SPATS2L: variants seen among roughly 807,000 people sequenced by gnomAD.
SPATS2L encodes the protein spermatogenesis associated serine rich 2 like.
Under a neutral mutation model 59.6 loss-of-function variants are expected in SPATS2L, and 30 were observed. The ratio of observed to expected loss-of-function variants is 0.50; its 90% CI spans 0.38 to 0.68. The LOEUF (loss-of-function observed/expected upper bound fraction) is 0.68. Among genes scored for constraint, SPATS2L ranks in the 30% least tolerant of loss-of-function variants. SPATS2L has a pLI of 0.00. For synonymous variants in SPATS2L, 252 were observed against 263.5 expected, an observed-to-expected ratio of 0.96 and a Z score of 0.42; for missense variants, 615 against 700.0, an observed-to-expected ratio of 0.88 and a Z score of 1.37.
chr2:200,448,015 C>T (rs567397388), intron 8 of SPATS2L, among the ~76,000 whole-genome samples: 1 of 152,180 alleles, frequency 6.6e-6, no homozygotes, highest in African/African-American at 2.4e-5. Context: ...TGTGGTGGTA[C>T]AGTCCTTTAG....
intron 10 of SPATS2L, 122 bp downstream of exon 10, chr2:200,467,521 C>T: frequency 5.9e-6 from 4 of 682,250 alleles, no homozygotes. Context: ...CTCTCTTCCA[C>T]AGGGTGGAAA....
At chr2:200,467,785 G>A (rs1024168118) in intron 10 of SPATS2L, among the ~76,000 whole-genome samples, 1 of 152,202 alleles carries the variant, frequency 6.6e-6, no homozygotes, top group Non-Finnish European at 1.5e-5. Context: ...TGAACGTAGT[G>A]TAATGGTGAA....
At chr2:200,359,914 G>T (rs17531631) in intron 2 of SPATS2L, among the ~76,000 whole-genome samples, 37,272 of 152,184 alleles carry the variant, frequency 0.24, 5,803 homozygotes, top group South Asian at 0.36. Context: ...CTACAGTACT[G>T]AAATTCTAGA....
chr2:200,431,042 T>A (rs986876244), intron 6 of SPATS2L, among the ~76,000 whole-genome samples: 4 of 152,144 alleles, frequency 2.6e-5, no homozygotes, highest in African/African-American at 9.7e-5. Flanking sequence ...TTATAAAGAA[T>A]ATTATAGTGA....
intron 10 of SPATS2L, 126 bp downstream of exon 10, chr2:200,467,525 G>A (rs935668630): frequency 3.5e-5 from 23 of 663,422 alleles, no homozygotes; most frequent in African/African-American, 1.3e-4. Flanking sequence ...CTTCCACAGG[G>A]TGGAAATAGA....
intron 3 of SPATS2L, among the ~76,000 whole-genome samples, chr2:200,399,726 C>G (rs2105953020): frequency 6.6e-6 from 1 of 152,232 alleles, no homozygotes; most frequent in East Asian, 1.9e-4. Context: ...CAAATAAACT[C>G]CCCTCAAAGA....
At chr2:200,357,617 T>C (rs2080958861) in intron 2 of SPATS2L, among the ~76,000 whole-genome samples, 1 of 152,200 alleles carries the variant, frequency 6.6e-6, no homozygotes, top group African/African-American at 2.4e-5. Flanking sequence ...ACTTTTTCCA[T>C]ACTCCAGCAC....
rs547482174 is a variant in SPATS2L, at chr2:200,446,104, C to T, written c.788+5320C>T. On this transcript the variant is annotated intron_variant, in intron 8 of 12. Transcript: ENST00000409140. The stretch of plus-strand genomic sequence containing the variant: ...CTGTAATCCCAACACCTTGGAAGGC[C>T]GAGGCAGGAGGATTGCTTGAGCCCA... 7.4e-4 allele frequency among the ~76,000 whole-genome samples: 113 copies of T among 152,118 alleles called. 1 individual carries two copies. In the South Asian group the frequency reaches 0.011, roughly 15 times the overall value.
At chr2:200,316,220 G>T (rs1468221680) in intron 1 of SPATS2L, among the ~76,000 whole-genome samples, 2 of 152,154 alleles carry the variant, frequency 1.3e-5, no homozygotes, top group Admixed American at 1.3e-4. Flanking sequence ...CTGATAGGCA[G>T]TGTGACTCAG....
chr2:200,338,288 G>A (rs1333503554), intron 2 of SPATS2L, among the ~76,000 whole-genome samples: 1 of 152,176 alleles, frequency 6.6e-6, no homozygotes, highest in Non-Finnish European at 1.5e-5. Flanking sequence ...GCCTCCCAAA[G>A]CATTAGGATT....
intron 12 of SPATS2L, among the ~76,000 whole-genome samples, chr2:200,473,483 C>T (rs2087241580): frequency 6.6e-6 from 1 of 152,014 alleles, no homozygotes; most frequent in Admixed American, 6.6e-5. Context: ...TATTTTAATC[C>T]CCATTTATGT....
At chr2:200,423,302 T>C (rs2106024245) in intron 6 of SPATS2L, among the ~76,000 whole-genome samples, 1 of 152,356 alleles carries the variant, frequency 6.6e-6, no homozygotes, top group East Asian at 1.9e-4. Context: ...CTAATGGCTT[T>C]AAAATGCTTG....
chr2:200,466,257 C>G (rs2086595014), intron 9 of SPATS2L, among the ~76,000 whole-genome samples: 1 of 152,204 alleles, frequency 6.6e-6, no homozygotes, highest in East Asian at 1.9e-4. Flanking sequence ...TTCAGCCAAG[C>G]ATAGAATGTG....
chr2:200,416,425 G>A lies in SPATS2L; in HGVS notation c.195G>A (p.Lys65=). ...AAGAATGGAATATGACAGGAAAAAAGAAGGTAAGATTAATATTGATTGTAA... is the reference window on the plus strand; with the variant it reads ...AAGAATGGAATATGACAGGAAAAAAAAAGGTAAGATTAATATTGATTGTAA... ...VLKEWNMTGK[K]KNNKRKRSKS... is the part of the protein sequence containing the mutation. Residue 65 remains lysine, a synonymous_variant, in exon 5 of 13, where the codon AAG becomes AAA. Transcript: ENST00000409140. The A allele has an allele frequency of 6.8e-7, 1 of 1,460,066 alleles. No homozygotes were observed. Among genetic ancestry groups the A allele is most frequent in the South Asian group, 1.4e-5 (1 of 71,692 alleles). The allele number at this position is 1,460,066 out of a possible 1,614,324, so 90.4% of individuals were successfully genotyped here. A position where few individuals can be genotyped will look rare whatever the true frequency, so the allele number is the denominator to read the frequency against.
At chr2:200,403,001 A>T (rs1012193345) in intron 3 of SPATS2L, among the ~76,000 whole-genome samples, 3 of 152,206 alleles carry the variant, frequency 2.0e-5, no homozygotes, top group Admixed American at 2.0e-4. Context: ...TTTAAGAAAG[A>T]TGAATATAAA....
intron 1 of SPATS2L, among the ~76,000 whole-genome samples, chr2:200,320,194 A>G (rs559181882): frequency 6.6e-6 from 1 of 152,310 alleles, no homozygotes; most frequent in East Asian, 1.9e-4. Flanking sequence ...TGCTTTAGTA[A>G]TGAGATCATT....
At chr2:200,356,121 A>G (rs972283505) in intron 2 of SPATS2L, among the ~76,000 whole-genome samples, 7 of 152,244 alleles carry the variant, frequency 4.6e-5, no homozygotes, top group Non-Finnish European at 1.0e-4. Flanking sequence ...TTGAATTACA[A>G]GTCAGTCCAC....
In SPATS2L at chr2:200,437,211, C is replaced by T. The variant is rs1025860544; in HGVS notation, c.446-1911C>T. 5.3e-5 allele frequency among the ~76,000 whole-genome samples: 8 copies of T among 152,194 alleles called. No homozygotes were observed. The South Asian group carries it at 1.0e-3, about 20-fold the overall frequency. On this transcript the variant is annotated intron_variant, in intron 6 of 12. Coordinates refer to ENST00000409140, the MANE Select transcript of SPATS2L (RefSeq NM_001100423.2). ...TTACAGCAATGCAAAAACAGCCTAACCCAGAATTCTCAATTTATAGTATCT... is the reference window on the plus strand; with the variant it reads ...TTACAGCAATGCAAAAACAGCCTAATCCAGAATTCTCAATTTATAGTATCT...
At chr2:200,383,335 A>G (rs549419622) in intron 2 of SPATS2L, among the ~76,000 whole-genome samples, 2 of 152,384 alleles carry the variant, frequency 1.3e-5, no homozygotes, top group East Asian at 1.9e-4. Flanking sequence ...ATTTAATCCA[A>G]TCTATCAAAT....
Sources: allele counts gnomAD v4.1 joint callset (sites outside exome capture counted in the v4.1 genomes callset), GRCh38; gene constraint gnomAD v4.1.1; transcripts MANE v1.5; gene names NCBI Gene and HGNC (gene_info 2026-07-23, HGNC 2026-07-21).